Variants in PRELID2 observed in about 807,000 individuals in gnomAD.
PRELID2 encodes PRELI domain containing 2, also known as PRELI domain-containing protein 2.
A neutral mutation model predicts 28.4 loss-of-function variants in PRELID2; 25 were observed. The observed-to-expected ratio is 0.88, with a 90% confidence interval of 0.64 to 1.23. The LOEUF (loss-of-function observed/expected upper bound fraction) is 1.23, where lower values mean the gene tolerates loss of function less well. PRELID2 is among the 50% of genes most tolerant of loss of function. The probability of loss-of-function intolerance (pLI) is 0.00; values close to 1 mark genes in which losing one functional copy is unlikely to be tolerated. For synonymous variants in PRELID2, 76 were observed against 71.6 expected (o/e 1.06, Z -0.31); for missense variants, 201 against 214.4 (o/e 0.94, Z 0.39).
At chr5:145,317,022 C>T in the PRELID2 span, among the ~76,000 whole-genome samples, 11 of 152,248 alleles carry the variant, frequency 7.2e-5, no homozygotes, top group South Asian at 2.1e-4. Context: ...TGTAATCCAC[C>T]GGGGTCAAGA....
the PRELID2 span, among the ~76,000 whole-genome samples, chr5:145,422,406 T>C: frequency 2.0e-5 from 3 of 152,224 alleles, no homozygotes; most frequent in East Asian, 1.9e-4. Flanking sequence ...GCTTTGTGAA[T>C]CTTGGTGCTC....
At chr5:145,779,382 A>T (rs1758618670) in intron 5 of PRELID2, among the ~76,000 whole-genome samples, 4 of 152,168 alleles carry the variant, frequency 2.6e-5, no homozygotes, top group Admixed American at 2.6e-4. Context: ...GTTGTTTCAC[A>T]TGGTGTCATT....
At chr5:145,798,564 A>T (rs1215646582) in intron 4 of PRELID2, among the ~76,000 whole-genome samples, 2 of 152,228 alleles carry the variant, frequency 1.3e-5, no homozygotes, top group African/African-American at 2.4e-5. Flanking sequence ...CTATAAAGAC[A>T]TGTGCACACA....
chr5:145,370,653 C>T, the PRELID2 span, among the ~76,000 whole-genome samples: 13 of 151,992 alleles, frequency 8.6e-5, no homozygotes, highest in East Asian at 3.9e-4. Flanking sequence ...TCTAATTCTG[C>T]GAAGAATGTC....
At chr5:145,619,726 C>G (rs1009566215) in intron 1 of PRELID2, among the ~76,000 whole-genome samples, 1 of 152,184 alleles carries the variant, frequency 6.6e-6, no homozygotes, top group African/African-American at 2.4e-5. Flanking sequence ...TCGCATCCAC[C>G]ATGATGCCTC....
chr5:145,543,787 A>C (rs919066880), intron 1 of PRELID2, among the ~76,000 whole-genome samples: 5 of 152,072 alleles, frequency 3.3e-5, no homozygotes, highest in Admixed American at 6.6e-5. Context: ...TAATTGTCGC[A>C]TTTGGAGGCC....
the PRELID2 span, among the ~76,000 whole-genome samples, chr5:145,337,128 A>G: frequency 2.1e-4 from 32 of 151,926 alleles, no homozygotes; most frequent in African/African-American, 7.7e-4. Context: ...TAATAATAAT[A>G]AAAAGAACCC....
chr5:145,395,632 C>T, the PRELID2 span, among the ~76,000 whole-genome samples: 2 of 152,132 alleles, frequency 1.3e-5, no homozygotes, highest in African/African-American at 2.4e-5. Context: ...AAAGGACGAA[C>T]ACGTTTGGAA....
the PRELID2 span, among the ~76,000 whole-genome samples, chr5:145,239,169 G>C: frequency 3.3e-5 from 5 of 152,046 alleles, no homozygotes; most frequent in Non-Finnish European, 7.4e-5. Flanking sequence ...AATTTCTTCA[G>C]CTATCTCATT....
the PRELID2 span, among the ~76,000 whole-genome samples, chr5:145,252,759 G>T: frequency 6.6e-6 from 1 of 152,054 alleles, no homozygotes; most frequent in African/African-American, 2.4e-5. Flanking sequence ...TTAGAAAGAC[G>T]TAAAAGTTCT....
chr5:145,475,083 T>C (rs1752088039), intron 1 of PRELID2, among the ~76,000 whole-genome samples: 1 of 152,200 alleles, frequency 6.6e-6, no homozygotes, highest in Non-Finnish European at 1.5e-5. Flanking sequence ...CACCAGATGA[T>C]AAGACACATG....
At chr5:145,484,074 G>A (rs926750281) in intron 1 of PRELID2, among the ~76,000 whole-genome samples, 5 of 152,186 alleles carry the variant, frequency 3.3e-5, no homozygotes, top group African/African-American at 1.2e-4. Context: ...CATAAATAAC[G>A]GTAATTTAAC....
intron 1 of PRELID2, among the ~76,000 whole-genome samples, chr5:145,560,219 A>G (rs1752915281): frequency 6.6e-6 from 1 of 152,240 alleles, no homozygotes; most frequent in Non-Finnish European, 1.5e-5. Context: ...ATCAGAGATC[A>G]CAAATGGAAC....
chr5:145,696,816 TG>T (rs1755278703), intron 1 of PRELID2, among the ~76,000 whole-genome samples: 1 of 151,940 alleles, frequency 6.6e-6, no homozygotes, highest in African/African-American at 2.4e-5. Context: ...CCCAGCAATT[TG>T]TTGAGAACTC....
At chr5:145,521,703 A>G (rs1400446502) in intron 1 of PRELID2, among the ~76,000 whole-genome samples, 3 of 152,132 alleles carry the variant, frequency 2.0e-5, no homozygotes, top group Non-Finnish European at 4.4e-5. Flanking sequence ...TGCAGCCTGG[A>G]GCAGACCCAC....
downstream of PRELID2, among the ~76,000 whole-genome samples, chr5:145,470,439 T>G (rs1328467633): frequency 6.6e-6 from 1 of 151,676 alleles, no homozygotes; most frequent in East Asian, 1.9e-4. Flanking sequence ...ACCGAATACT[T>G]ACTCTGTAAC....
chr5:145,417,077 C>T, the PRELID2 span, among the ~76,000 whole-genome samples: 1 of 152,104 alleles, frequency 6.6e-6, no homozygotes, highest in African/African-American at 2.4e-5. Flanking sequence ...GGAGATATCA[C>T]CACTGACCCC....
chr5:145,547,892 C>T (rs1752801199), intron 1 of PRELID2, among the ~76,000 whole-genome samples: 1 of 152,068 alleles, frequency 6.6e-6, no homozygotes, highest in African/African-American at 2.4e-5. Context: ...TTTTCAAGAC[C>T]CTGGAAACAT....
intron 1 of PRELID2, among the ~76,000 whole-genome samples, chr5:145,524,855 C>T (rs182167328): frequency 6.6e-6 from 1 of 152,174 alleles, no homozygotes; most frequent in Non-Finnish European, 1.5e-5. Flanking sequence ...CTCTACAAAA[C>T]AGAAATAATA....
Sources: gnomAD v4.1 joint callset for allele counts (sites outside exome capture counted in the v4.1 genomes callset) on GRCh38, gnomAD v4.1.1 for gene constraint, MANE v1.5 for transcripts, NCBI Gene and HGNC (gene_info 2026-07-23, HGNC 2026-07-21) for gene names.